The following C1QBP variants were observed in gnomAD, a reference collection of about 807,000 sequenced individuals.
C1QBP encodes complement component 1 Q subcomponent-binding protein, mitochondrial.
In C1QBP, 24 loss-of-function variants were observed where a neutral mutation model predicts 29.4. That is an observed-to-expected ratio of 0.82 (90% confidence interval 0.59 to 1.15). The LOEUF (loss-of-function observed/expected upper bound fraction) is 1.15, where lower values mean the gene tolerates loss of function less well. C1QBP is among the 50% of genes most tolerant of loss of function. The probability of loss-of-function intolerance (pLI) is 0.00; values close to 1 mark genes in which losing one functional copy is unlikely to be tolerated. For synonymous variants in C1QBP, 182 were observed against 149.2 expected (o/e 1.22, Z -1.60); for missense variants, 337 against 355.8 (o/e 0.95, Z 0.43).
chr17:5,434,312 A>C (rs1037461739), intron 3 of C1QBP, among the ~76,000 whole-genome samples: 1 of 152,206 alleles, frequency 6.6e-6, no homozygotes, highest in African/African-American at 2.4e-5. Flanking sequence ...GTCATGACCC[A>C]ACACTGTACT....
chr17:5,437,513 G>C (rs142458106), intron 2 of C1QBP, among the ~76,000 whole-genome samples: 3,295 of 152,246 alleles, frequency 0.022, 217 homozygotes, highest in Admixed American at 0.14. Flanking sequence ...ATTTTTACTA[G>C]AGCCAGGGTT....
chr17:5,436,531 AAAAT>A (rs1011703598), intron 2 of C1QBP, among the ~76,000 whole-genome samples: 8 of 151,772 alleles, frequency 5.3e-5, no homozygotes, highest in East Asian at 3.9e-4. Context: ...AGCAAAGTAA[AAAAT>A]AAATAAAAAA....
chr17:5,438,425 T>G, intron 1 of C1QBP, 152 bp from the exon 2 acceptor site: 1 of 1,022,286 alleles, frequency 9.8e-7, no homozygotes, highest in Non-Finnish European at 1.4e-6. Flanking sequence ...TCGGTAAAAA[T>G]ACCATAATAG....
rs552731816 is a variant in C1QBP at position 5,436,844 on chromosome 17, C to A, written c.383+1279G>T. ...ACCAGCCTGGCCAACACGGTGAAACCCTGTCTCTACTAAAAATACAAAAAT... is the reference window on the plus strand; with the variant it reads ...ACCAGCCTGGCCAACACGGTGAAACACTGTCTCTACTAAAAATACAAAAAT... On this transcript the variant is annotated intron_variant, in intron 2 of 5. Transcript: ENST00000225698. Among the ~76,000 whole-genome samples, 44 of 152,212 alleles carry A rather than the reference C, an allele frequency of 2.9e-4. 1 individual carries two copies. The South Asian group carries it at 8.5e-3, about 29-fold the overall frequency.
chr17:5,433,121 A>AC lies in C1QBP; in HGVS notation c.742dup (p.Val248GlyfsTer8). 1 of 1,614,024 alleles carries AC rather than the reference A, an allele frequency of 6.2e-7. No homozygotes were observed. Among genetic ancestry groups the AC allele is most frequent in the Non-Finnish European group, 8.5e-7 (1 of 1,179,990 alleles). ...CAGCTCATCTGCAAAAGTGTTGTCC[A>AC]CCCCTCGGTCGGCAAGGAAATCCAT... On this transcript the variant is annotated frameshift_variant, in exon 6 of 6. Transcript: ENST00000225698. LOFTEE classifies it high-confidence loss of function.
At chr17:5,438,689 TG>T (rs35174388) in intron 1 of C1QBP, 152 bp downstream of exon 1, 2 of 1,481,790 alleles carry the variant, frequency 1.3e-6, no homozygotes, top group South Asian at 2.5e-5. Flanking sequence ...ATAGGGGAGG[TG>T]GGGGAAATAT....
intron 4 of C1QBP, 101 bp downstream of exon 4, chr17:5,433,568 T>C (rs1916170516): frequency 8.5e-6 from 13 of 1,528,998 alleles, no homozygotes; most frequent in South Asian, 7.9e-5. Flanking sequence ...TGGTCTAAGC[T>C]AGAAAAGTGT....
intron 2 of C1QBP, among the ~76,000 whole-genome samples, chr17:5,437,439 C>G (rs76016030): frequency 1.3e-5 from 2 of 152,206 alleles, no homozygotes; most frequent in Non-Finnish European, 2.9e-5. Context: ...CAGGTTCAAG[C>G]GATTCCCCTG....
At position 5,434,766 on chromosome 17, in the gene C1QBP, T is replaced by TA. The variant is rs575152073; in HGVS notation, c.477+106dup. On this transcript the variant is annotated intron_variant, in intron 3 of 5. Coordinates refer to ENST00000225698, the MANE Select transcript of C1QBP (RefSeq NM_001212.4). ...TAGGCGTGAGCCATGCGACTGGACT[T>TA]AGAGGAATTTTTTTTTTTTGAAAGA... The TA allele has an allele frequency of 2.0e-4, 203 of 1,008,366 alleles. 1 individual carries two copies. In the African/African-American group the frequency reaches 3.1e-3, roughly 15 times the overall value. 62.5% of individuals were successfully genotyped at this position (1,008,366 alleles called of 1,614,324 possible).
In C1QBP at chr17:5,433,384, A is replaced by G. The variant is rs1916161257; in HGVS notation, c.608T>C (p.Ile203Thr). 6.2e-7 allele frequency: 1 copy of G among 1,614,120 alleles called. No homozygotes were observed. Among genetic ancestry groups the G allele is most frequent in the African/African-American group, 1.3e-5 (1 of 75,022 alleles). The change falls in exon 5 of 6, where the codon ATC (isoleucine) becomes ACC (threonine). Residue 203 changes from isoleucine (I) to threonine (T), a missense_variant. Physicochemically the swap from Ile to Thr is moderately conservative, Grantham distance 89 (BLOSUM62 -1). Coordinates refer to ENST00000225698, the MANE Select transcript of C1QBP (RefSeq NM_001212.4). The part of the protein sequence containing the change: ...VGQEDEAESD[I>T]FSIREVSFQS... Reference sequence around the variant, plus strand: ...AAAGCTAACTTCCCTGATAGAGAAGATGTCACTCTCAGCCTCGTCTTCTTG... The same window carrying G: ...AAAGCTAACTTCCCTGATAGAGAAGGTGTCACTCTCAGCCTCGTCTTCTTG...
chr17:5,432,954 G>T lies in C1QBP; in HGVS notation c.*61C>A, dbSNP rs1804438. The T allele has an allele frequency of 6.5e-7, 1 of 1,538,976 alleles. No homozygotes were observed. Among genetic ancestry groups the T allele is most frequent in the Non-Finnish European group, 8.8e-7 (1 of 1,139,556 alleles). On this transcript the variant is annotated 3_prime_UTR_variant, in exon 6 of 6. Coordinates refer to ENST00000225698, the MANE Select transcript of C1QBP (RefSeq NM_001212.4). The stretch of plus-strand genomic sequence containing the variant: ...TTCAAAGCACATGTCTAGCTTCAGA[G>T]TAGGATTTGTTCACTGGCCAAAGCC...
At chr17:5,434,438 T>G (rs181255182) in intron 3 of C1QBP, among the ~76,000 whole-genome samples, 1 of 151,450 alleles carries the variant, frequency 6.6e-6, no homozygotes, top group Non-Finnish European at 1.5e-5. Flanking sequence ...AGTTAAAGTC[T>G]CTTATGCCCC....
At chr17:5,438,628 C>T (rs1916337445) in intron 1 of C1QBP, 2 of 999,700 alleles carry the variant, frequency 2.0e-6, no homozygotes, top group Admixed American at 2.8e-5. Context: ...AAAAAGGTAC[C>T]CTAGTATTTA....
chr17:5,433,267 G>T, intron 5 of C1QBP, 26 bp downstream of exon 5: 2 of 1,613,860 alleles, frequency 1.2e-6, no homozygotes, highest in East Asian at 2.2e-5. Flanking sequence ...GGCCCAAAAG[G>T]TTCCCCCACC....
chr17:5,435,906 C>T lies in C1QBP; in HGVS notation c.384-940G>A, dbSNP rs1033903343. Among the ~76,000 whole-genome samples, 7 of 147,142 alleles carry T rather than the reference C, an allele frequency of 4.8e-5. No individual in the cohort carries two copies. The East Asian group carries it at 5.9e-4, about 12-fold the overall frequency. On this transcript the variant is annotated intron_variant, in intron 2 of 5. Transcript: ENST00000225698. ...AAAAAAAAAAAAAAAATTAGCTGGG[C>T]GTGGTGGTACGCGCCTGTAATCCCA...
rs148027788 is a variant in C1QBP, at chr17:5,438,945, G to T, written c.129C>A (p.Phe43Leu). Residue 43 changes from phenylalanine (F) to leucine (L), a missense_variant, in exon 1 of 6, where the codon TTC becomes TTA. Coordinates refer to ENST00000225698, the MANE Select transcript of C1QBP (RefSeq NM_001212.4). Reference sequence around the variant, plus strand: ...AACCTGCGCGCACGCTGAGCAGCCCGAAGGGCCGGGTGCACAGCCGGGGTG... The same window carrying T: ...AACCTGCGCGCACGCTGAGCAGCCCTAAGGGCCGGGTGCACAGCCGGGGTG... ...QPAPRLCTRP[F>L]GLLSVRAGSE... 2.6e-6 allele frequency: 4 copies of T among 1,523,170 alleles called. 1 individual carries two copies. Among genetic ancestry groups the T allele is most frequent in the Non-Finnish European group, 3.5e-6 (4 of 1,136,318 alleles). 94.4% of individuals were successfully genotyped at this position (1,523,170 alleles called of 1,614,324 possible).
intron 5 of C1QBP, 55 bp from the exon 6 acceptor site, chr17:5,433,219 G>A (rs1916149518): frequency 1.2e-6 from 2 of 1,609,464 alleles, no homozygotes; most frequent in Middle Eastern, 1.7e-4. Context: ...ACATTAAAAT[G>A]CTTTTTTCTC....
At chr17:5,437,390 G>A (rs188921896) in intron 2 of C1QBP, among the ~76,000 whole-genome samples, 8 of 152,316 alleles carry the variant, frequency 5.3e-5, no homozygotes, top group Admixed American at 2.6e-4. Context: ...AGGCTGGAGC[G>A]CGGTGGCGCG....
At chr17:5,437,918 C>T (rs1171945534) in intron 2 of C1QBP, among the ~76,000 whole-genome samples, 2 of 152,158 alleles carry the variant, frequency 1.3e-5, no homozygotes, top group Non-Finnish European at 2.9e-5. Context: ...TTTTTGTCTC[C>T]TTAGTAACCA....
Sources: allele counts gnomAD v4.1 joint callset (sites outside exome capture counted in the v4.1 genomes callset), GRCh38; gene constraint gnomAD v4.1.1; transcripts MANE v1.5; gene names NCBI Gene and HGNC (gene_info 2026-07-23, HGNC 2026-07-21).